RAD50: variants seen among roughly 807,000 people sequenced by gnomAD.
RAD50 encodes DNA repair protein RAD50.
Under a neutral mutation model 168.8 loss-of-function variants are expected in RAD50, and 132 were observed. The observed-to-expected ratio is 0.78, with a 90% CI of 0.68 to 0.90. RAD50 has a LOEUF of 0.90. Among genes scored for constraint, RAD50 ranks in the 40% least tolerant of loss-of-function variants. RAD50 has a pLI of 0.00. For missense variants in RAD50, 1,347 were observed against 1,534.4 expected (o/e 0.88, Z 2.04); for synonymous variants, 525 against 497.4 (o/e 1.06, Z -0.74).
At chr5:132,611,156 C>G (rs940753879) in intron 19 of RAD50, among the ~76,000 whole-genome samples, 3 of 152,040 alleles carry the variant, frequency 2.0e-5, no homozygotes, top group African/African-American at 7.2e-5. Flanking sequence ...TTTGGGAGGC[C>G]AAGGCAGACG....
intron 2 of RAD50, among the ~76,000 whole-genome samples, chr5:132,562,721 T>A (rs144070601): frequency 1.3e-5 from 2 of 152,190 alleles, no homozygotes; most frequent in Non-Finnish European, 2.9e-5. Flanking sequence ...GAATCATTAG[T>A]GTATACAGGT....
chr5:132,610,946 A>T (rs1439031743), intron 19 of RAD50, among the ~76,000 whole-genome samples: 1 of 152,232 alleles, frequency 6.6e-6, no homozygotes, highest in Admixed American at 6.5e-5. Context: ...TTACTTAGTT[A>T]TATACAATAG....
intron 21 of RAD50, 105 bp from the exon 22 acceptor site, chr5:132,637,010 T>C: frequency 1.1e-6 from 1 of 893,684 alleles, no homozygotes; most frequent in African/African-American, 1.8e-5. Context: ...AGGAAGTTAT[T>C]TATATTTCTA....
chr5:132,608,343 G>A (rs574517158), intron 16 of RAD50, among the ~76,000 whole-genome samples: 3 of 152,294 alleles, frequency 2.0e-5, no homozygotes, highest in African/African-American at 4.8e-5. Context: ...GGTTAAGAGC[G>A]TGAACTCTGG....
At chr5:132,600,068 C>G (rs898658800) in intron 13 of RAD50, 27 of 152,088 alleles carry the variant, frequency 1.8e-4, no homozygotes, top group African/African-American at 6.3e-4. Flanking sequence ...TTAGAATATG[C>G]CCTTGATGCC....
At position 132,627,370 on chromosome 5, in the gene RAD50, T is replaced by C. The variant is rs556784007; in HGVS notation, c.3389+9076T>C. 3.9e-5 allele frequency among the ~76,000 whole-genome samples: 6 copies of C among 152,268 alleles called. 1 individual carries two copies. The South Asian group carries it at 1.0e-3, about 26-fold the overall frequency. On this transcript the variant is annotated intron_variant, in intron 21 of 24. Transcript: ENST00000378823. ...AAATGCTTGATACTGTTCTAGATAC[T>C]AAGTATATAAGGATGAAGAAACAAA...
At chr5:132,630,003 C>T (rs1217318685) in intron 21 of RAD50, among the ~76,000 whole-genome samples, 1 of 151,614 alleles carries the variant, frequency 6.6e-6, no homozygotes, top group Non-Finnish European at 1.5e-5. Context: ...GTTCTACTCT[C>T]ATTTTTCCCC....
At position 132,609,023 on chromosome 5, in the gene RAD50, A is replaced by T. The variant is rs929792573; in HGVS notation, c.2830-94A>T. The T allele has an allele frequency of 3.3e-6, 5 of 1,531,146 alleles. No homozygotes were observed. The African/African-American group carries it at 6.9e-5, about 21-fold the overall frequency. The allele number at this position is 1,531,146 out of a possible 1,614,324, so 94.8% of individuals were successfully genotyped here. On this transcript the variant is annotated intron_variant, in intron 17 of 24. Transcript: ENST00000378823. The stretch of plus-strand genomic sequence containing the variant: ...CAGTAGTGGTGGAAACTGGAACCCA[A>T]TGTTCATAACTTCCCAGCCAGTGTT...
chr5:132,615,131 G>A (rs1751153814), intron 19 of RAD50, among the ~76,000 whole-genome samples: 1 of 152,114 alleles, frequency 6.6e-6, no homozygotes, highest in African/African-American at 2.4e-5. Flanking sequence ...TCTTTCTGCA[G>A]GAAATTTTTT....
At position 132,636,523 on chromosome 5, in the gene RAD50, C is replaced by T. The variant is rs79049594; in HGVS notation, c.3390-592C>T. ...AGCTTCTAAATCATTCTCGCTGAACCAAAGCTTCCAGTTGGTAAAAATCTA... is the reference window on the plus strand; with the variant it reads ...AGCTTCTAAATCATTCTCGCTGAACTAAAGCTTCCAGTTGGTAAAAATCTA... On this transcript the variant is annotated intron_variant, in intron 21 of 24. Coordinates refer to ENST00000378823, the MANE Select transcript of RAD50 (RefSeq NM_005732.4). Among the ~76,000 whole-genome samples the T allele has an allele frequency of 4.0e-3, 616 of 152,228 alleles. 1 individual carries two copies. The highest frequency in any genetic ancestry group is 0.014 in the African/African-American group (569 of 41,536).
rs1581002006 is a variant in RAD50 at position 132,604,816 on chromosome 5, G to A, written c.2535G>A (p.Lys845=). The part of the protein sequence containing the change: ...KQHKLDTVSS[K]IELNRKLIQD... ...TATGTTTTTGTGTAGTTTCTAGTAA[G>A]ATTGAATTGAATCGTAAGCTTATAC... The change falls in exon 16 of 25, where the codon AAG becomes AAA. Residue 845 remains lysine, a synonymous_variant. Coordinates refer to ENST00000378823, the MANE Select transcript of RAD50 (RefSeq NM_005732.4). 1 of 1,609,540 alleles carries A rather than the reference G, an allele frequency of 6.2e-7. No homozygotes were observed. The highest frequency in any genetic ancestry group is 8.5e-7 in the Non-Finnish European group (1 of 1,176,254).
chr5:132,582,064 T>G (rs928759568), intron 5 of RAD50, among the ~76,000 whole-genome samples: 40 of 152,170 alleles, frequency 2.6e-4, no homozygotes, highest in African/African-American at 8.9e-4. Flanking sequence ...GCCATGACTT[T>G]TTTGATCATA....
intron 5 of RAD50, among the ~76,000 whole-genome samples, chr5:132,583,957 A>G (rs975478224): frequency 1.3e-5 from 2 of 152,094 alleles, no homozygotes; most frequent in Admixed American, 1.3e-4. Flanking sequence ...TCGGCCTCCC[A>G]AAGTGCTGGG....
intron 5 of RAD50, among the ~76,000 whole-genome samples, chr5:132,587,278 A>G (rs548152852): frequency 6.6e-6 from 1 of 152,318 alleles, no homozygotes; most frequent in African/African-American, 2.4e-5. Context: ...ATGCCCAATG[A>G]ATGAATAATG....
intron 2 of RAD50, among the ~76,000 whole-genome samples, chr5:132,567,403 C>T (rs955838636): frequency 4.6e-5 from 7 of 152,146 alleles, no homozygotes; most frequent in African/African-American, 1.7e-4. Context: ...CCTGGGAACA[C>T]TTTGTAAACT....
intron 23 of RAD50, among the ~76,000 whole-genome samples, chr5:132,639,970 A>T (rs191210950): frequency 6.6e-6 from 1 of 152,352 alleles, no homozygotes; most frequent in African/African-American, 2.4e-5. Flanking sequence ...ACACCAGAGT[A>T]GTTTATACTT....
chr5:132,591,381 A>T lies in RAD50; in HGVS notation c.1610A>T (p.Gln537Leu), dbSNP rs773504309. ...AACCATCATACAACAACACGTACCC[A>T]AATGGAGATGCTGACCAAAGACAAA... ...QLNHHTTTRT[Q>L]MEMLTKDKAD... The change falls in exon 10 of 25, where the codon CAA (glutamine) becomes CTA (leucine). Residue 537 changes from glutamine to leucine, a missense_variant. Gln to Leu is a moderately radical substitution (Grantham distance 113). This residue lies in a region of RAD50 where 703 missense variants were observed against 767.7 expected (regional missense o/e 0.92). Transcript: ENST00000378823. 6.2e-7 allele frequency: 1 copy of T among 1,613,870 alleles called. No individual in the cohort carries two copies. The highest frequency in any genetic ancestry group is 8.5e-7 in the Non-Finnish European group (1 of 1,179,872).
At chr5:132,631,131 T>C (rs982060865) in intron 21 of RAD50, among the ~76,000 whole-genome samples, 1 of 150,988 alleles carries the variant, frequency 6.6e-6, no homozygotes, top group Middle Eastern at 3.2e-3. Flanking sequence ...TTTTTTTTTT[T>C]TTTTTTTAAG....
At position 132,579,976 on chromosome 5, in the gene RAD50, G is replaced by A. The variant is rs1460928965; in HGVS notation, c.666G>A (p.Glu222=). 2.5e-6 allele frequency: 4 copies of A among 1,612,738 alleles called. No homozygotes were observed. Among genetic ancestry groups the A allele is most frequent in the Non-Finnish European group, 3.4e-6 (4 of 1,178,952 alleles). Residue 222 remains glutamate, a synonymous_variant, in exon 5 of 25, where the codon GAG becomes GAA. Transcript: ENST00000378823. ...YLKQYKEKAC[E]IRDQITSKEA... is the part of the protein sequence containing the mutation. ...AGCAATATAAGGAAAAAGCTTGTGA[G>A]ATTCGTGATCAGATTACAAGTAAGG... is the stretch of plus-strand genomic sequence containing the variant.
Sources: allele counts gnomAD v4.1 joint callset (sites outside exome capture counted in the v4.1 genomes callset), GRCh38; gene constraint gnomAD v4.1.1; regional missense constraint gnomAD v4.1.1; transcripts MANE v1.5; gene names NCBI Gene and HGNC (gene_info 2026-07-23, HGNC 2026-07-21).